The following SSBP2 variants were observed in gnomAD, a reference collection of about 807,000 sequenced individuals.
SSBP2 encodes the protein single-stranded DNA-binding protein 2.
SSBP2 carries 17 observed loss-of-function variants against 61.8 expected under a neutral mutation model. That is an observed-to-expected ratio of 0.28 (90% CI 0.19 to 0.41). SSBP2 has a LOEUF of 0.41. Among genes scored for constraint, SSBP2 ranks in the 10% least tolerant of loss-of-function variants. The pLI, the probability that SSBP2 is intolerant of heterozygous loss-of-function variation, is 1.00. For synonymous variants in SSBP2, 139 were observed against 141.3 expected, an observed-to-expected ratio of 0.98 and a Z score of 0.12; for missense variants, 310 against 458.7, an observed-to-expected ratio of 0.68 and a Z score of 2.96.
intron 4 of SSBP2, among the ~76,000 whole-genome samples, chr5:81,515,254 T>C: frequency 6.6e-6 from 1 of 152,162 alleles, no homozygotes; most frequent in Admixed American, 6.5e-5. Flanking sequence ...AAAGATTTGA[T>C]CTATATCTTT....
intron 4 of SSBP2, among the ~76,000 whole-genome samples, chr5:81,520,330 G>A (rs909015668): frequency 1.0e-3 from 159 of 152,104 alleles, no homozygotes; most frequent in African/African-American, 3.7e-3. Flanking sequence ...CTACAAATTT[G>A]GCTCTGAATC....
At chr5:81,543,094 A>G (rs1380089747) in intron 4 of SSBP2, among the ~76,000 whole-genome samples, 1 of 152,056 alleles carries the variant, frequency 6.6e-6, no homozygotes, top group Non-Finnish European at 1.5e-5. Flanking sequence ...ACCTCAGGTA[A>G]TCCGCCTGCT....
chr5:81,737,266 T>C (rs1756683300), intron 1 of SSBP2, among the ~76,000 whole-genome samples: 1 of 149,090 alleles, frequency 6.7e-6, no homozygotes. Context: ...ATTCCAACTA[T>C]TGCCCCTCCT....
At position 81,501,266 on chromosome 5, in the gene SSBP2, T is replaced by TATAC. The variant is rs1396109396; in HGVS notation, c.373-11961_373-11958dup. Among the ~76,000 whole-genome samples the TATAC allele has an allele frequency of 5.4e-4, 20 of 36,958 alleles. 2 individuals carry two copies. Among genetic ancestry groups the TATAC allele is most frequent in the Non-Finnish European group, 9.4e-4 (19 of 20,254 alleles). The allele number at this position is 36,958 out of a possible 152,430, so 24.2% of individuals were successfully genotyped here. ...ATATATATATATATATATATATATA[T>TATAC]ATACACACACACACACATGCACATA... On this transcript the variant is annotated intron_variant, in intron 5 of 16. Coordinates refer to ENST00000320672, the MANE Select transcript of SSBP2 (RefSeq NM_012446.5).
chr5:81,519,406 GAC>G (rs1365184270), intron 4 of SSBP2, among the ~76,000 whole-genome samples: 1 of 152,096 alleles, frequency 6.6e-6, no homozygotes, highest in Non-Finnish European at 1.5e-5. Flanking sequence ...AGGTGTGAGA[GAC>G]ACTGCTAAGT....
At chr5:81,670,125 C>T (rs1751481911) in intron 1 of SSBP2, among the ~76,000 whole-genome samples, 2 of 152,078 alleles carry the variant, frequency 1.3e-5, no homozygotes, top group Admixed American at 1.3e-4. Context: ...TCATAGAATG[C>T]ACACCACCAA....
intron 4 of SSBP2, among the ~76,000 whole-genome samples, chr5:81,518,032 G>C (rs1769168752): frequency 6.6e-6 from 1 of 151,972 alleles, no homozygotes; most frequent in Admixed American, 6.6e-5. Flanking sequence ...TCTACACACT[G>C]AATAACAATT....
chr5:81,555,990 A>T (rs1286331286), intron 4 of SSBP2, among the ~76,000 whole-genome samples: 1 of 152,086 alleles, frequency 6.6e-6, no homozygotes, highest in Non-Finnish European at 1.5e-5. Flanking sequence ...AGCCATTTAG[A>T]TCTGATATTC....
At chr5:81,468,386 A>G (rs1417997480) in intron 8 of SSBP2, among the ~76,000 whole-genome samples, 1 of 151,834 alleles carries the variant, frequency 6.6e-6, no homozygotes, top group African/African-American at 2.4e-5. Context: ...TATTCTCCAA[A>G]CTGCCTCAGG....
At chr5:81,444,027 T>A (rs995033413) in intron 12 of SSBP2, among the ~76,000 whole-genome samples, 1 of 152,234 alleles carries the variant, frequency 6.6e-6, no homozygotes, top group Non-Finnish European at 1.5e-5. Flanking sequence ...TATTTTAGTG[T>A]GTATTACTTA....
intron 1 of SSBP2, among the ~76,000 whole-genome samples, chr5:81,653,988 TTTTTG>T (rs955615684): frequency 4.3e-5 from 6 of 138,966 alleles, no homozygotes; most frequent in African/African-American, 1.5e-4. Context: ...AGTTTGGTGT[TTTTTG>T]TTTTGTTTTT....
intron 4 of SSBP2, among the ~76,000 whole-genome samples, chr5:81,542,767 T>C (rs1050414712): frequency 7.9e-5 from 12 of 151,336 alleles, no homozygotes; most frequent in Non-Finnish European, 7.4e-5. Context: ...GCTGTTCTTA[T>C]GATAGTGACT....
At chr5:81,593,685 C>G (rs187557651) in intron 4 of SSBP2, among the ~76,000 whole-genome samples, 1 of 152,252 alleles carries the variant, frequency 6.6e-6, no homozygotes, top group African/African-American at 2.4e-5. Context: ...GGGACCAATA[C>G]TCAACATTCT....
chr5:81,732,144 A>G (rs1275202240), intron 1 of SSBP2, among the ~76,000 whole-genome samples: 1 of 152,164 alleles, frequency 6.6e-6, no homozygotes, highest in Admixed American at 6.5e-5. Flanking sequence ...TTTATTTCAG[A>G]AACTAAAATA....
chr5:81,668,327 C>T (rs1751333506), intron 1 of SSBP2, among the ~76,000 whole-genome samples: 1 of 135,512 alleles, frequency 7.4e-6, no homozygotes, highest in Admixed American at 7.3e-5. Context: ...TCAGTTTTAA[C>T]ACAGAATTAA....
intron 1 of SSBP2, among the ~76,000 whole-genome samples, chr5:81,680,198 G>T (rs991927692): frequency 6.6e-6 from 1 of 151,364 alleles, no homozygotes; most frequent in African/African-American, 2.4e-5. Flanking sequence ...CAGCTTTCCT[G>T]GGCCTCCAGC....
intron 4 of SSBP2, among the ~76,000 whole-genome samples, chr5:81,610,952 C>A (rs1462366952): frequency 6.6e-6 from 1 of 152,182 alleles, no homozygotes. Context: ...CAAGATCACA[C>A]CATTGCACTC....
chr5:81,520,725 A>G (rs1287015803), intron 4 of SSBP2, among the ~76,000 whole-genome samples: 2 of 151,976 alleles, frequency 1.3e-5, no homozygotes. Context: ...ATTTTAATCT[A>G]TTGGTTTAAT....
intron 1 of SSBP2, among the ~76,000 whole-genome samples, chr5:81,739,406 T>A (rs1756853636): frequency 6.6e-6 from 1 of 152,304 alleles, no homozygotes; most frequent in South Asian, 2.1e-4. Context: ...AGCCTTTCAA[T>A]AAACATCCTC....
Sources: allele counts gnomAD v4.1 joint callset (sites outside exome capture counted in the v4.1 genomes callset), GRCh38; gene constraint gnomAD v4.1.1; transcripts MANE v1.5; gene names NCBI Gene and HGNC (gene_info 2026-07-23, HGNC 2026-07-21).